ACTN4: variants seen among roughly 807,000 people sequenced by gnomAD.
ACTN4 encodes the protein actinin alpha 4.
A neutral mutation model predicts 114.2 loss-of-function variants in ACTN4; 18 were observed. The ratio of observed to expected loss-of-function variants is 0.16; its 90% CI spans 0.11 to 0.23. The LOEUF (loss-of-function observed/expected upper bound fraction) is 0.23, where lower values mean the gene tolerates loss of function less well. ACTN4 is among the 10% of genes least tolerant of loss of function. ACTN4 has a pLI of 1.00. For synonymous variants in ACTN4, 515 were observed against 506.3 expected (o/e 1.02, Z -0.23); for missense variants, 722 against 1,262.9 (o/e 0.57, Z 6.49).
At chr19:38,719,696 G>A (rs150404947) in intron 11 of ACTN4, among the ~76,000 whole-genome samples, 8 of 152,368 alleles carry the variant, frequency 5.3e-5, no homozygotes, top group African/African-American at 1.7e-4. Context: ...GGCTCCAGCC[G>A]TCCTTATCCA....
At chr19:38,650,398 C>T (rs933380732) in intron 1 of ACTN4, among the ~76,000 whole-genome samples, 2 of 152,098 alleles carry the variant, frequency 1.3e-5, no homozygotes, top group Non-Finnish European at 2.9e-5. Context: ...ACCTCCAGGC[C>T]TTGCTGCCAT....
At chr19:38,661,152 C>G (rs941425521) in intron 1 of ACTN4, among the ~76,000 whole-genome samples, 12 of 152,288 alleles carry the variant, frequency 7.9e-5, no homozygotes, top group Middle Eastern at 3.4e-3. Flanking sequence ...AGTCTACATT[C>G]AACTTGCGCC....
chr19:38,699,754 C>CAA (rs528707102), intron 1 of ACTN4, among the ~76,000 whole-genome samples: 28 of 122,800 alleles, frequency 2.3e-4, no homozygotes, highest in East Asian at 2.2e-3. Flanking sequence ...GACTCCTTCT[C>CAA]AAAAAAAAAA....
At chr19:38,652,370 C>T (rs985022667) in intron 1 of ACTN4, among the ~76,000 whole-genome samples, 20 of 152,156 alleles carry the variant, frequency 1.3e-4, no homozygotes, top group African/African-American at 4.1e-4. Flanking sequence ...CTTGACTCTT[C>T]TAATGACTGA....
intron 1 of ACTN4, among the ~76,000 whole-genome samples, chr19:38,661,596 G>A (rs1976887502): frequency 6.6e-6 from 1 of 152,192 alleles, no homozygotes; most frequent in Non-Finnish European, 1.5e-5. Context: ...TTGGAAGCCA[G>A]GAAGCCTGAT....
intron 3 of ACTN4, 85 bp from the exon 4 acceptor site, chr19:38,704,849 C>A: frequency 7.8e-7 from 1 of 1,281,872 alleles, no homozygotes; most frequent in Non-Finnish European, 1.1e-6. Context: ...CTAGATGGGG[C>A]TGGAAGGCCA....
At position 38,727,127 on chromosome 19, in the gene ACTN4, G is replaced by C; in HGVS notation, c.2337+24G>C. 1.1e-5 allele frequency: 18 copies of C among 1,613,198 alleles called. No homozygotes were observed. The highest frequency in any genetic ancestry group is 1.4e-5 in the Non-Finnish European group (17 of 1,179,864). ...AGGTGAGCAGCCTGCCACCTCCTCG[G>C]CCTCTCCCCTCCCGCCGTTGCCGTA... On this transcript the variant is annotated intron_variant, in intron 18 of 20. Transcript: ENST00000252699. The surrounding 1 kb of genome is among the most constrained non-coding windows in gnomAD (Gnocchi z 5.4).
At chr19:38,712,561 A>G (rs1307709423) in intron 8 of ACTN4, among the ~76,000 whole-genome samples, 3 of 152,066 alleles carry the variant, frequency 2.0e-5, no homozygotes, top group East Asian at 3.9e-4. Context: ...TCGGGCCAGA[A>G]AGGCCTCTTC....
chr19:38,690,883 A>G (rs921166863), intron 1 of ACTN4, among the ~76,000 whole-genome samples: 8 of 152,226 alleles, frequency 5.3e-5, no homozygotes, highest in Non-Finnish European at 2.9e-5. Context: ...TTATGTACAT[A>G]TTTAAAGAGT....
intron 9 of ACTN4, among the ~76,000 whole-genome samples, 153 bp downstream of exon 9, chr19:38,714,714 CACG>C (rs1240393928): frequency 6.6e-6 from 1 of 152,240 alleles, no homozygotes; most frequent in Non-Finnish European, 1.5e-5. Flanking sequence ...CTGGTGTGTA[CACG>C]ACCTCTCCGT....
At chr19:38,705,301 G>A (rs556557969) in intron 4 of ACTN4, among the ~76,000 whole-genome samples, 30 of 152,308 alleles carry the variant, frequency 2.0e-4, no homozygotes, top group Admixed American at 1.5e-3. Context: ...GGCTGGGCCC[G>A]TTTTACAGTC....
chr19:38,728,410 GCTCCTC>G lies in ACTN4; in HGVS notation c.2418+419_2418+424del, dbSNP rs371829169. ...TGCAGCTCTGTCTCCCCAGCCACCC[GCTCCTC>G]CTCCTCCTCCTCCTCCTCCTCCTCC... On this transcript the variant is annotated intron_variant, in intron 19 of 20. Coordinates refer to ENST00000252699, the MANE Select transcript of ACTN4 (RefSeq NM_004924.6). The G allele has an allele frequency of 1.6e-3, 1,256 of 771,594 alleles. 9 individuals carry two copies. Among genetic ancestry groups the G allele is most frequent in the South Asian group, 3.3e-3 (188 of 57,654 alleles). 47.8% of individuals were successfully genotyped at this position (771,594 alleles called of 1,614,324 possible). A position where few individuals can be genotyped will look rare whatever the true frequency, so the allele number is the denominator to read the frequency against.
chr19:38,700,394 G>A lies in ACTN4; in HGVS notation c.163-206G>A, dbSNP rs192265883. On this transcript the variant is annotated intron_variant, in intron 1 of 20. Transcript: ENST00000252699. The stretch of plus-strand genomic sequence containing the variant: ...CTTGTGATGGGTCATTAACCACCCC[G>A]AGCCTCAGTTTCCTCACATCTGCCT... Among the ~76,000 whole-genome samples, 275 of 152,210 alleles carry A rather than the reference G, an allele frequency of 1.8e-3. 1 individual carries two copies. Among genetic ancestry groups the A allele is most frequent in the Non-Finnish European group, 3.3e-3 (224 of 68,010 alleles).
rs75837638 is a variant in ACTN4 at position 38,667,273 on chromosome 19, C to T, written c.162+19366C>T. Among the ~76,000 whole-genome samples, 1,110 of 152,156 alleles carry T rather than the reference C, an allele frequency of 7.3e-3. 11 individuals carry two copies. Among genetic ancestry groups the T allele is most frequent in the African/African-American group, 0.024 (1,006 of 41,484 alleles). On this transcript the variant is annotated intron_variant, in intron 1 of 20. Transcript: ENST00000252699. ...GCAAACCTAGGGTGATGTCATTGTT[C>T]GAAGCTGTCACCGCCAAGCCTCTGG...
At chr19:38,710,394 C>T (rs746731697) in intron 8 of ACTN4, 52 bp downstream of exon 8, 24 of 1,565,912 alleles carry the variant, frequency 1.5e-5, no homozygotes, top group Middle Eastern at 1.7e-4. Context: ...GCAATGCCGC[C>T]GCTGCCTCTC....
intron 1 of ACTN4, among the ~76,000 whole-genome samples, chr19:38,653,082 T>G (rs1386738745): frequency 3.9e-5 from 4 of 101,750 alleles, no homozygotes; most frequent in South Asian, 4.2e-4. Flanking sequence ...CAAGACTCCA[T>G]CTCAAAAAAA....
chr19:38,730,831 A>AG lies in ACTN4; in HGVS notation c.*1401dup. Reference sequence around the variant, plus strand: ...GCTCAGCAACCCTGCCCTGAGCAGCAGGTGCGCCCATCCGGAGATCCTAGG... The same window carrying AG: ...GCTCAGCAACCCTGCCCTGAGCAGCAGGGTGCGCCCATCCGGAGATCCTAGG... On this transcript the variant is annotated 3_prime_UTR_variant, in exon 21 of 21. Coordinates refer to ENST00000252699, the MANE Select transcript of ACTN4 (RefSeq NM_004924.6). The AG allele has an allele frequency of 6.4e-7, 1 of 1,550,730 alleles. No individual in the cohort carries two copies. The highest frequency in any genetic ancestry group is 8.7e-7 in the Non-Finnish European group (1 of 1,147,098).
At chr19:38,708,649 G>T (rs1298578485) in intron 6 of ACTN4, among the ~76,000 whole-genome samples, 1 of 152,376 alleles carries the variant, frequency 6.6e-6, no homozygotes. Context: ...CCAGCCTCGT[G>T]GGGGAAGGCA....
intron 1 of ACTN4, among the ~76,000 whole-genome samples, chr19:38,689,822 C>T (rs1054400775): frequency 2.6e-5 from 4 of 152,046 alleles, no homozygotes; most frequent in Admixed American, 6.5e-5. Flanking sequence ...TACAGGCGTG[C>T]GCCACCATGC....
Sources: gnomAD v4.1 joint callset for allele counts (sites outside exome capture counted in the v4.1 genomes callset) on GRCh38, gnomAD v4.1.1 for gene constraint, Gnocchi (gnomAD v3.1) non-coding constraint, MANE v1.5 for transcripts, NCBI Gene and HGNC (gene_info 2026-07-23, HGNC 2026-07-21) for gene names.